The following PLBD2 variants were observed in gnomAD, a reference collection of about 807,000 sequenced individuals.
PLBD2 encodes putative aminopeptidase PLBD2.
PLBD2 carries 51 observed loss-of-function variants against 68.3 expected under a neutral mutation model. The observed-to-expected ratio is 0.75, with a 90% CI of 0.60 to 0.94. The LOEUF (loss-of-function observed/expected upper bound fraction) is 0.94, where lower values mean the gene tolerates loss of function less well. PLBD2 is among the 40% of genes least tolerant of loss of function. The pLI is 0.00. For missense variants in PLBD2, 729 were observed against 792.2 expected (o/e 0.92, Z 0.96); for synonymous variants, 314 against 339.3 (o/e 0.93, Z 0.82).
At chr12:113,377,864 T>C (rs1235890946) in intron 5 of PLBD2, among the ~76,000 whole-genome samples, 1 of 152,208 alleles carries the variant, frequency 6.6e-6, no homozygotes, top group Non-Finnish European at 1.5e-5. Flanking sequence ...AAAAACATAC[T>C]GTATAAGTCA....
chr12:113,369,009 G>A lies in PLBD2; in HGVS notation c.291-107G>A, dbSNP rs1342257744. ...AAGATGGACAGACAGACATTCACGT[G>A]CACGTCTACTGACCACTGTGTTGTT... On this transcript the variant is annotated intron_variant, in intron 1 of 11. Transcript: ENST00000280800. The A allele has an allele frequency of 1.1e-5, 7 of 660,948 alleles. No homozygotes were observed. In the East Asian group the frequency reaches 1.7e-4, roughly 16 times the overall value. 40.9% of individuals were successfully genotyped at this position (660,948 alleles called of 1,614,324 possible).
intron 1 of PLBD2, among the ~76,000 whole-genome samples, chr12:113,360,042 C>A (rs943209174): frequency 2.6e-5 from 4 of 152,212 alleles, no homozygotes; most frequent in African/African-American, 9.6e-5. Context: ...AGCCCCTATC[C>A]ATTTTACTGG....
intron 1 of PLBD2, among the ~76,000 whole-genome samples, chr12:113,362,492 A>G (rs533895572): frequency 1.6e-4 from 24 of 152,028 alleles, no homozygotes; most frequent in African/African-American, 4.6e-4. Context: ...ACTTTTTCCA[A>G]TGTGGCCTCT....
intron 5 of PLBD2, among the ~76,000 whole-genome samples, chr12:113,377,765 A>G (rs1698819823): frequency 6.6e-6 from 1 of 152,194 alleles, no homozygotes; most frequent in Non-Finnish European, 1.5e-5. Flanking sequence ...TTTGTTCTGC[A>G]TGTCTGTGAG....
At position 113,372,935 on chromosome 12, in the gene PLBD2, A is replaced by C; in HGVS notation, c.543+128A>C. 4 of 1,091,542 alleles carry C rather than the reference A, an allele frequency of 3.7e-6. No homozygotes were observed. The highest frequency in any genetic ancestry group is 5.2e-6 in the Non-Finnish European group (4 of 773,072). 67.6% of individuals were successfully genotyped at this position (1,091,542 alleles called of 1,614,324 possible). A position where few individuals can be genotyped will look rare whatever the true frequency, so the allele number is the denominator to read the frequency against. On this transcript the variant is annotated intron_variant, in intron 3 of 11. Coordinates refer to ENST00000280800, the MANE Select transcript of PLBD2 (RefSeq NM_173542.4). This position sits in a 1 kb window ranked among gnomAD's most constrained non-coding sequence, Gnocchi z 4.2. ...CGCCTCTGTTTCCATCATCATCTCC[A>C]TCCCTCCTAGCCGACCTGCCACTCA...
At chr12:113,386,411 T>C (rs1490650160) in intron 9 of PLBD2, among the ~76,000 whole-genome samples, 1 of 141,962 alleles carries the variant, frequency 7.0e-6, no homozygotes, top group Non-Finnish European at 1.5e-5. Context: ...TGGAGTGCAA[T>C]GGTGCGATCT....
rs1010673096 is a variant in PLBD2, at chr12:113,374,862, T to C, written c.714T>C (p.Ser238=). 6.2e-7 allele frequency: 1 copy of C among 1,613,946 alleles called. No homozygotes were observed. The highest frequency in any genetic ancestry group is 8.5e-7 in the Non-Finnish European group (1 of 1,180,032). ...LALNKTKIKP[S]LGSGSCSALI... is the part of the protein sequence containing the mutation. ...TGAACAAGACCAAGATCAAACCTTCTCTGGGCTCTGGCTCCTGTTCTGCCC... is the reference window on the plus strand; with the variant it reads ...TGAACAAGACCAAGATCAAACCTTCCCTGGGCTCTGGCTCCTGTTCTGCCC... Residue 238 remains serine, a synonymous_variant, in exon 5 of 12, where the codon TCT becomes TCC. Transcript: ENST00000280800.
chr12:113,385,227 G>A lies in PLBD2; in HGVS notation c.1230G>A (p.Val410=). 3 of 1,614,166 alleles carry A rather than the reference G, an allele frequency of 1.9e-6. No homozygotes were observed. Among genetic ancestry groups the A allele is most frequent in the Non-Finnish European group, 2.5e-6 (3 of 1,180,002 alleles). ...ILEQIPGMVV[V]ADKTSELYQK... is the part of the protein sequence containing the mutation. ...TCGGTCTCAGCGGCATGGTGGTGGT[G>A]GCTGACAAGACCTCGGAGCTCTACC... Residue 410 remains valine, a synonymous_variant, in exon 9 of 12, where the codon GTG becomes GTA. Transcript: ENST00000280800.
chr12:113,383,987 ACT>A, intron 6 of PLBD2, 116 bp from the exon 7 acceptor site: 1 of 783,522 alleles, frequency 1.3e-6, no homozygotes, highest in South Asian at 2.9e-5. Context: ...CAAGAGTGAG[ACT>A]CTATCTCAAA....
intron 2 of PLBD2, among the ~76,000 whole-genome samples, chr12:113,369,917 T>C (rs546448240): frequency 2.2e-4 from 34 of 151,972 alleles, no homozygotes; most frequent in Middle Eastern, 6.8e-3. Flanking sequence ...TTTTTTTTTT[T>C]GAGACAGAGT....
chr12:113,384,037 T>C lies in PLBD2; in HGVS notation c.958-68T>C, dbSNP rs984146927. On this transcript the variant is annotated intron_variant, in intron 6 of 11. Coordinates refer to ENST00000280800, the MANE Select transcript of PLBD2 (RefSeq NM_173542.4). The surrounding 1 kb of genome is among the most constrained non-coding windows in gnomAD (Gnocchi z 4.2). ...AAAAAAAAATTTTTGGAGCCATGAC[T>C]GATGAAGTACTGCCACTTGGTGGCA... The C allele has an allele frequency of 8.0e-7, 1 of 1,249,820 alleles. No homozygotes were observed. Among genetic ancestry groups the C allele is most frequent in the Non-Finnish European group, 1.1e-6 (1 of 933,370 alleles). 77.4% of individuals were successfully genotyped at this position (1,249,820 alleles called of 1,614,324 possible).
Position 113,374,985 on chromosome 12 carries a change from C to T in PLBD2, c.837C>T (p.Leu279=). 1 of 1,614,140 alleles carries T rather than the reference C, an allele frequency of 6.2e-7. No homozygotes were observed. ...TGCGTGTCATCAAGAAGTACTGGCT[C>T]CAGTTCCGGGAAGGCCCCTGGGGTA... ...HMLRVIKKYW[L]QFREGPWGDY... is the part of the protein sequence containing the mutation. The change falls in exon 5 of 12, where the codon CTC becomes CTT. Residue 279 remains leucine (L), a synonymous_variant. Transcript: ENST00000280800.
At chr12:113,364,891 G>A (rs1329279814) in intron 1 of PLBD2, among the ~76,000 whole-genome samples, 2 of 152,148 alleles carry the variant, frequency 1.3e-5, no homozygotes, top group Admixed American at 6.5e-5. Context: ...CCGAGGCCCC[G>A]AGAGGTAAAG....
intron 1 of PLBD2, among the ~76,000 whole-genome samples, chr12:113,365,338 T>A (rs1957333239): frequency 6.6e-6 from 1 of 152,024 alleles, no homozygotes; most frequent in South Asian, 2.1e-4. Context: ...TTTTTTTTTT[T>A]TTTGACAGAG....
In PLBD2 at chr12:113,372,666, G is replaced by T; in HGVS notation, c.402G>T (p.Trp134Cys). The T allele has an allele frequency of 6.2e-7, 1 of 1,614,048 alleles. No individual in the cohort carries two copies. Among genetic ancestry groups the T allele is most frequent in the Non-Finnish European group, 8.5e-7 (1 of 1,179,994 alleles). Residue 134 changes from tryptophan (W) to cysteine (C), a missense_variant, in exon 3 of 12, where the codon TGG becomes TGT. By Grantham distance (215) the Trp-to-Cys change is radical. Coordinates refer to ENST00000280800, the MANE Select transcript of PLBD2 (RefSeq NM_173542.4). The surrounding 1 kb of genome is among the most constrained non-coding windows in gnomAD (Gnocchi z 4.2). ...CCCCACAGCTCATCTACATGCACTG[G>T]ATGAACACGGTGGTGAATTACTGCG... ...AVSEELIYMH[W>C]MNTVVNYCGP...
rs1330771884 is a variant in PLBD2, at chr12:113,384,775, T to C, written c.1119-76T>C. On this transcript the variant is annotated intron_variant, in intron 7 of 11. Coordinates refer to ENST00000280800, the MANE Select transcript of PLBD2 (RefSeq NM_173542.4). The surrounding 1 kb of genome is among the most constrained non-coding windows in gnomAD (Gnocchi z 4.2). ...CCACTTCCTGTAATTCCTAGCTGAG[T>C]GGGACACTGCAGGGTGGGGAAAGCT... is the stretch of plus-strand genomic sequence containing the variant. The C allele has an allele frequency of 5.7e-6, 7 of 1,219,864 alleles. No homozygotes were observed. The highest frequency in any genetic ancestry group is 3.0e-5 in the African/African-American group (2 of 67,036). 75.6% of individuals were successfully genotyped at this position (1,219,864 alleles called of 1,614,324 possible). A position where few individuals can be genotyped will look rare whatever the true frequency, so the allele number is the denominator to read the frequency against.
Position 113,384,063 on chromosome 12 carries a change from G to C in PLBD2, c.958-42G>C. The C allele has an allele frequency of 4.1e-6, 6 of 1,461,618 alleles. No homozygotes were observed. Among genetic ancestry groups the C allele is most frequent in the Non-Finnish European group, 5.5e-6 (6 of 1,097,842 alleles). 90.5% of individuals were successfully genotyped at this position (1,461,618 alleles called of 1,614,324 possible). On this transcript the variant is annotated intron_variant, in intron 6 of 11. Transcript: ENST00000280800. This position sits in a 1 kb window ranked among gnomAD's most constrained non-coding sequence, Gnocchi z 4.2. ...GATGAAGTACTGCCACTTGGTGGCAGCATGCCTAGGCTGTGCAGCAGCCCC... is the reference window on the plus strand; with the variant it reads ...GATGAAGTACTGCCACTTGGTGGCACCATGCCTAGGCTGTGCAGCAGCCCC...
intron 1 of PLBD2, among the ~76,000 whole-genome samples, chr12:113,368,515 A>G (rs768732135): frequency 6.6e-6 from 1 of 152,212 alleles, no homozygotes; most frequent in Non-Finnish European, 1.5e-5. Flanking sequence ...GGCTAATCTT[A>G]TAACTAGCAT....
intron 3 of PLBD2, among the ~76,000 whole-genome samples, chr12:113,373,293 G>A (rs930609326): frequency 6.6e-6 from 1 of 152,248 alleles, no homozygotes; most frequent in African/African-American, 2.4e-5. Flanking sequence ...CTGCCTTTGG[G>A]CCACTGGCTA....
Sources: gnomAD v4.1 joint callset for allele counts (sites outside exome capture counted in the v4.1 genomes callset) on GRCh38, gnomAD v4.1.1 for gene constraint, Gnocchi (gnomAD v3.1) non-coding constraint, MANE v1.5 for transcripts, NCBI Gene and HGNC (gene_info 2026-07-23, HGNC 2026-07-21) for gene names.